ABTB3: variants seen among roughly 807,000 people sequenced by gnomAD.
The protein encoded by ABTB3 is ankyrin repeat and BTB domain containing 3, also known as ankyrin repeat- and BTB/POZ domain-containing protein 3.
chr12:107,352,086 GC>G, the ABTB3 span, among the ~76,000 whole-genome samples: 1 of 152,212 alleles, frequency 6.6e-6, no homozygotes, highest in Non-Finnish European at 1.5e-5. Context: ...AGACAGTTCT[GC>G]CCTTTCAGAG....
chr12:107,424,471 TA>T, the ABTB3 span, among the ~76,000 whole-genome samples: 4 of 152,182 alleles, frequency 2.6e-5, no homozygotes, highest in African/African-American at 9.7e-5. Context: ...TGAAAGAATT[TA>T]AAAGGCTGCT....
chr12:107,455,015 A>C, the ABTB3 span, among the ~76,000 whole-genome samples: 2 of 152,228 alleles, frequency 1.3e-5, no homozygotes, highest in African/African-American at 2.4e-5. Context: ...AGATCAATCA[A>C]GTCACTTGTC....
chr12:107,411,028 G>A, the ABTB3 span, among the ~76,000 whole-genome samples: 1 of 152,168 alleles, frequency 6.6e-6, no homozygotes, highest in Non-Finnish European at 1.5e-5. Context: ...GGTCAGGCTT[G>A]GTGGCTCATG....
the ABTB3 span, among the ~76,000 whole-genome samples, chr12:107,367,470 T>G: frequency 6.6e-6 from 1 of 152,008 alleles, no homozygotes; most frequent in African/African-American, 2.4e-5. Context: ...AAGGGCTCTC[T>G]CTCTCATTTT....
At chr12:107,545,840 C>T in the ABTB3 span, among the ~76,000 whole-genome samples, 3 of 152,188 alleles carry the variant, frequency 2.0e-5, no homozygotes, top group African/African-American at 7.2e-5. Flanking sequence ...GTGTCTAGCT[C>T]TTCACTCCTA....
chr12:107,580,166 A>G, the ABTB3 span, among the ~76,000 whole-genome samples: 1 of 152,212 alleles, frequency 6.6e-6, no homozygotes, highest in Non-Finnish European at 1.5e-5. Context: ...AACCCTCCAG[A>G]TAATTCTGAT....
At chr12:107,482,924 CTTTCTTTCTT>C in the ABTB3 span, among the ~76,000 whole-genome samples, 1 of 27,748 alleles carries the variant, frequency 3.6e-5, no homozygotes, top group African/African-American at 2.2e-4. Context: ...TTCTTTCTTT[CTTTCTTTCTT>C]TCTTTCTTTC....
At chr12:107,495,970 T>C in the ABTB3 span, among the ~76,000 whole-genome samples, 1 of 152,220 alleles carries the variant, frequency 6.6e-6, no homozygotes, top group Admixed American at 6.5e-5. Flanking sequence ...AAGATGGTGA[T>C]GATGATGTCT....
At chr12:107,460,362 ACT>A in the ABTB3 span, among the ~76,000 whole-genome samples, 3 of 151,130 alleles carry the variant, frequency 2.0e-5, no homozygotes, top group African/African-American at 7.3e-5. Context: ...TGGTTTGAAA[ACT>A]CTAGTTCTGG....
the ABTB3 span, among the ~76,000 whole-genome samples, chr12:107,482,972 C>CTTTCTTTT: frequency 1.7e-5 from 1 of 59,080 alleles, no homozygotes; most frequent in Non-Finnish European, 3.3e-5. Flanking sequence ...TTCTTTCTTT[C>CTTTCTTTT]TTTCTTTCTT....
At chr12:107,505,275 G>A in the ABTB3 span, among the ~76,000 whole-genome samples, 10 of 151,780 alleles carry the variant, frequency 6.6e-5, no homozygotes, top group African/African-American at 1.9e-4. Context: ...AAATAGCCTC[G>A]AAATATCTTT....
the ABTB3 span, among the ~76,000 whole-genome samples, chr12:107,385,528 T>C: frequency 1.1e-4 from 16 of 152,190 alleles, 1 homozygote; most frequent in South Asian, 3.3e-3. Flanking sequence ...ATCGTCAGGG[T>C]TGGGGGTGGC....
the ABTB3 span, among the ~76,000 whole-genome samples, chr12:107,611,095 C>A: frequency 1.3e-5 from 2 of 152,044 alleles, no homozygotes; most frequent in Non-Finnish European, 2.9e-5. Flanking sequence ...AGCTCTAATA[C>A]ACACACACAC....
chr12:107,599,621 A>G, the ABTB3 span, among the ~76,000 whole-genome samples: 1 of 152,060 alleles, frequency 6.6e-6, no homozygotes, highest in Non-Finnish European at 1.5e-5. Flanking sequence ...TTCATTTTCA[A>G]TTATGTCGTT....
the ABTB3 span, among the ~76,000 whole-genome samples, chr12:107,509,434 AATCATT>A: frequency 0.17 from 25,977 of 152,194 alleles, 2,726 homozygotes; most frequent in East Asian, 0.29. Flanking sequence ...AATATTTGTG[AATCATT>A]TATTAATTCA....
the ABTB3 span, among the ~76,000 whole-genome samples, chr12:107,576,876 G>A: frequency 6.6e-6 from 1 of 152,100 alleles, no homozygotes; most frequent in Admixed American, 6.5e-5. Context: ...TTGTGGGAGG[G>A]TCCTATCTTC....
chr12:107,631,619 C>T, the ABTB3 span, among the ~76,000 whole-genome samples: 9 of 152,182 alleles, frequency 5.9e-5, no homozygotes, highest in Non-Finnish European at 1.5e-5. Context: ...CTCTTAGGCT[C>T]CTCTCGATAG....
the ABTB3 span, among the ~76,000 whole-genome samples, chr12:107,422,211 T>C: frequency 5.9e-5 from 9 of 151,844 alleles, no homozygotes; most frequent in Non-Finnish European, 2.9e-5. Context: ...AGCGTGAAGT[T>C]CCTAACATGA....
chr12:107,472,996 G>A, the ABTB3 span, among the ~76,000 whole-genome samples: 1 of 152,262 alleles, frequency 6.6e-6, no homozygotes, highest in African/African-American at 2.4e-5. Context: ...CTTTATAGAG[G>A]AAGGACAACA....
Sources: allele counts gnomAD v4.1 joint callset (sites outside exome capture counted in the v4.1 genomes callset), GRCh38; gene constraint gnomAD v4.1.1; transcripts MANE v1.5; gene names NCBI Gene and HGNC (gene_info 2026-07-23, HGNC 2026-07-21).